PTPRD: variants seen among roughly 807,000 people sequenced by gnomAD.
The protein encoded by PTPRD is protein tyrosine phosphatase receptor type D.
A neutral mutation model predicts 214.5 loss-of-function variants in PTPRD; 34 were observed. That is an observed-to-expected ratio of 0.16 (90% CI 0.12 to 0.21). The LOEUF is 0.21. PTPRD is among the 10% of genes least tolerant of loss of function. PTPRD has a pLI of 1.00. For synonymous variants in PTPRD, 1,128 were observed against 845.7 expected (o/e 1.33, Z -5.79); for missense variants, 2,545 against 2,398.7 (o/e 1.06, Z -1.27).
intron 4 of PTPRD, among the ~76,000 whole-genome samples, chr9:9,956,647 G>C (rs1445684251): frequency 1.3e-5 from 2 of 151,996 alleles, no homozygotes; most frequent in Admixed American, 6.6e-5. Context: ...AGATAATTAA[G>C]GTAGGACATA....
At chr9:8,794,606 G>A (rs956636647) in intron 11 of PTPRD, among the ~76,000 whole-genome samples, 2 of 149,080 alleles carry the variant, frequency 1.3e-5, no homozygotes, top group Non-Finnish European at 3.0e-5. Context: ...AGCCTCCCAA[G>A]TAGCTGGAGC....
intron 10 of PTPRD, among the ~76,000 whole-genome samples, chr9:9,123,245 G>C (rs1020443738): frequency 3.9e-5 from 6 of 152,144 alleles, no homozygotes; most frequent in African/African-American, 1.4e-4. Flanking sequence ...TCCAACTCAG[G>C]TACAAAAATG....
intron 10 of PTPRD, among the ~76,000 whole-genome samples, chr9:9,051,217 G>C (rs1262927113): frequency 6.6e-6 from 1 of 151,560 alleles, no homozygotes; most frequent in African/African-American, 2.4e-5. Flanking sequence ...AATTACATCT[G>C]TCAATTAAAA....
At chr9:9,581,902 C>T (rs1279646150) in intron 7 of PTPRD, among the ~76,000 whole-genome samples, 1 of 152,078 alleles carries the variant, frequency 6.6e-6, no homozygotes, top group Non-Finnish European at 1.5e-5. Flanking sequence ...CACTACTATA[C>T]TATAATGTGA....
intron 9 of PTPRD, among the ~76,000 whole-genome samples, chr9:9,364,357 A>G (rs1207231439): frequency 6.6e-6 from 1 of 151,478 alleles, no homozygotes; most frequent in Non-Finnish European, 1.5e-5. Flanking sequence ...TAATGGAGGG[A>G]GTAAGACACA....
At chr9:10,588,835 C>T (rs937161368) in intron 2 of PTPRD, among the ~76,000 whole-genome samples, 2 of 151,990 alleles carry the variant, frequency 1.3e-5, no homozygotes, top group Non-Finnish European at 2.9e-5. Context: ...TTCAACACTG[C>T]CTATACTCCC....
chr9:9,539,324 G>C (rs559358999), intron 8 of PTPRD, among the ~76,000 whole-genome samples: 2 of 151,884 alleles, frequency 1.3e-5, no homozygotes, highest in African/African-American at 2.4e-5. Flanking sequence ...TGAGCATAGG[G>C]AATGAAAGGG....
intron 3 of PTPRD, among the ~76,000 whole-genome samples, chr9:10,112,837 G>T (rs556088326): frequency 1.3e-5 from 2 of 152,276 alleles, no homozygotes; most frequent in South Asian, 2.1e-4. Context: ...CAATGTTCAC[G>T]TCTTGTCTTA....
intron 3 of PTPRD, among the ~76,000 whole-genome samples, chr9:10,166,109 A>G (rs1175989696): frequency 6.6e-6 from 1 of 150,542 alleles, no homozygotes; most frequent in Admixed American, 6.6e-5. Context: ...ATTAAAATAT[A>G]TGTACATATA....
At chr9:10,029,015 C>T (rs1421782871) in intron 4 of PTPRD, among the ~76,000 whole-genome samples, 3 of 152,078 alleles carry the variant, frequency 2.0e-5, no homozygotes, top group East Asian at 1.9e-4. Flanking sequence ...TGCCCTGTGT[C>T]CCAGCTGCTC....
intron 5 of PTPRD, among the ~76,000 whole-genome samples, chr9:9,771,068 TACTCCAAA>T (rs1361424035): frequency 2.0e-5 from 3 of 152,214 alleles, no homozygotes; most frequent in Non-Finnish European, 2.9e-5. Flanking sequence ...ATCACTATTT[TACTCCAAA>T]ACAAATTAAA....
rs949501794 is a variant in PTPRD at position 8,510,221 on chromosome 9, G to T, written c.1544-2787C>A. Among the ~76,000 whole-genome samples, 5 of 152,248 alleles carry T rather than the reference G, an allele frequency of 3.3e-5. No individual in the cohort carries two copies. The East Asian group carries it at 9.7e-4, about 29-fold the overall frequency. ...GTGAGAGGATCACTTGAGTCCAGGA[G>T]CGTGAGGCTACAGTGAACGATGACT... is the stretch of plus-strand genomic sequence containing the variant. On this transcript the variant is annotated intron_variant, in intron 21 of 45. Coordinates refer to ENST00000381196, the MANE Select transcript of PTPRD (RefSeq NM_002839.4).
At chr9:10,372,964 C>G (rs113099206) in intron 2 of PTPRD, among the ~76,000 whole-genome samples, 2,784 of 151,194 alleles carry the variant, frequency 0.018, 35 homozygotes, top group Non-Finnish European at 0.028. Flanking sequence ...TCCTGAGTAG[C>G]TTGGGTTATA....
chr9:9,510,235 A>T lies in PTPRD; in HGVS notation c.-237+64497T>A, dbSNP rs1362714557. ...GCTTTTGTATTTTAAACATGATCCT[A>T]CATTAAAGTCATTTTTTTTTCTTTT... On this transcript the variant is annotated intron_variant, in intron 8 of 45. Coordinates refer to ENST00000381196, the MANE Select transcript of PTPRD (RefSeq NM_002839.4). Among the ~76,000 whole-genome samples, 2 of 151,668 alleles carry T rather than the reference A, an allele frequency of 1.3e-5. 1 individual carries two copies. The highest frequency in any genetic ancestry group is 1.3e-4 in the Admixed American group (2 of 15,148).
intron 11 of PTPRD, among the ~76,000 whole-genome samples, chr9:8,849,131 T>C (rs1023963493): frequency 2.0e-5 from 3 of 151,768 alleles, no homozygotes; most frequent in Admixed American, 6.6e-5. Flanking sequence ...TAATTATTCT[T>C]CACATTTTAT....
chr9:9,648,018 C>G (rs555676340), intron 7 of PTPRD, among the ~76,000 whole-genome samples: 20 of 152,090 alleles, frequency 1.3e-4, no homozygotes, highest in Non-Finnish European at 1.0e-4. Context: ...ACATAGTGAT[C>G]TTTTATGTCT....
At chr9:10,503,979 G>A (rs1230176468) in intron 2 of PTPRD, among the ~76,000 whole-genome samples, 1 of 151,182 alleles carries the variant, frequency 6.6e-6, no homozygotes, top group Non-Finnish European at 1.5e-5. Context: ...AGCCGGGCGT[G>A]GTGGCGGGCG....
intron 3 of PTPRD, among the ~76,000 whole-genome samples, chr9:10,335,270 G>C (rs951336924): frequency 3.3e-5 from 5 of 151,666 alleles, no homozygotes; most frequent in Non-Finnish European, 7.4e-5. Context: ...AGAGCACCTA[G>C]AAACAGACTC....
Position 8,851,868 on chromosome 9 carries a change from T to G in PTPRD, c.-103-117922A>C, listed in dbSNP as rs150873232. ...TTTAGTTCTTCCTATAAGAACTGAATGTTCTTTTCACTGTAGCCTAAAAAG... is the reference window on the plus strand; with the variant it reads ...TTTAGTTCTTCCTATAAGAACTGAAGGTTCTTTTCACTGTAGCCTAAAAAG... On this transcript the variant is annotated intron_variant, in intron 11 of 45. Transcript: ENST00000381196. 8.9e-4 allele frequency among the ~76,000 whole-genome samples: 135 copies of G among 152,218 alleles called. 1 individual carries two copies. The highest frequency in any genetic ancestry group is 3.0e-3 in the African/African-American group (126 of 41,522).
Sources: allele counts gnomAD v4.1 joint callset (sites outside exome capture counted in the v4.1 genomes callset), GRCh38; gene constraint gnomAD v4.1.1; transcripts MANE v1.5; gene names NCBI Gene and HGNC (gene_info 2026-07-23, HGNC 2026-07-21).